CNKSR2: variants seen among roughly 807,000 people sequenced by gnomAD.
CNKSR2 encodes the protein connector enhancer of kinase suppressor of Ras 2.
Under a neutral mutation model 84.4 loss-of-function variants are expected in CNKSR2, and 14 were observed. The ratio of observed to expected loss-of-function variants is 0.17; its 90% confidence interval spans 0.11 to 0.26. The LOEUF is 0.26. Among genes scored for constraint, CNKSR2 ranks in the 10% least tolerant of loss-of-function variants. The probability of loss-of-function intolerance (pLI) is 1.00; values close to 1 mark genes in which losing one functional copy is unlikely to be tolerated. For missense variants in CNKSR2, 485 were observed against 771.2 expected, an observed-to-expected ratio of 0.63 and a Z score of 4.40; for synonymous variants, 275 against 277.9, an observed-to-expected ratio of 0.99 and a Z score of 0.10.
intron 20 of CNKSR2, chrX:21,641,773 TG>T: frequency 9.8e-7 from 1 of 1,024,440 alleles, no homozygotes; most frequent in Non-Finnish European, 1.2e-6. Context: ...TGTTTTGGAT[TG>T]GGGGCCTCCC....
chrX:21,516,733 C>A, intron 9 of CNKSR2, 102 bp downstream of exon 9: 2 of 733,089 alleles, frequency 2.7e-6, no homozygotes, highest in Non-Finnish European at 3.9e-6. Flanking sequence ...ATGGATTAAT[C>A]TTGTATGCTT....
chrX:21,592,818 A>G (rs1433000336), intron 15 of CNKSR2: 9 of 110,397 alleles, frequency 8.2e-5, no homozygotes, highest in Non-Finnish European at 3.8e-5. Context: ...TTCATTTAAT[A>G]GATATATATT....
intron 13 of CNKSR2, among the ~76,000 whole-genome samples, chrX:21,583,271 G>A (rs1308211532): frequency 9.0e-5 from 10 of 111,392 alleles, no homozygotes; most frequent in Non-Finnish European, 1.3e-4. Flanking sequence ...ACCAGAATGA[G>A]CAAGGCCACC....
At chrX:21,442,242 T>A (rs987585099) in intron 4 of CNKSR2, among the ~76,000 whole-genome samples, 4 of 109,466 alleles carry the variant, frequency 3.7e-5, no homozygotes, top group African/African-American at 1.3e-4. Flanking sequence ...TAAGATTGGT[T>A]ATAATGACAC....
chrX:21,402,579 C>T (rs1308870501), intron 1 of CNKSR2, among the ~76,000 whole-genome samples: 1 of 110,570 alleles, frequency 9.0e-6, no homozygotes, highest in African/African-American at 3.3e-5. Context: ...ATTTAATTAG[C>T]TCCTATTTAT....
At chrX:21,448,675 A>G (rs1343338710) in intron 4 of CNKSR2, among the ~76,000 whole-genome samples, 1 of 111,597 alleles carries the variant, frequency 9.0e-6, no homozygotes, top group Non-Finnish European at 1.9e-5. Flanking sequence ...TCCTCTCTGA[A>G]TTACCATTTT....
chrX:21,532,857 C>A (rs1053632513), intron 11 of CNKSR2, among the ~76,000 whole-genome samples: 1 of 111,418 alleles, frequency 9.0e-6, no homozygotes, highest in Non-Finnish European at 1.9e-5. Flanking sequence ...GGAAGGACAG[C>A]ATCCCTGCTA....
At chrX:21,490,673 C>T in intron 6 of CNKSR2, 95 bp downstream of exon 6, 1 of 910,199 alleles carries the variant, frequency 1.1e-6, no homozygotes, top group East Asian at 3.5e-5. Flanking sequence ...CTATGAATTT[C>T]AACAGACACT....
At chrX:21,446,675 C>T (rs1228107836) in intron 4 of CNKSR2, among the ~76,000 whole-genome samples, 1 of 111,217 alleles carries the variant, frequency 9.0e-6, no homozygotes, top group Non-Finnish European at 1.9e-5. Flanking sequence ...AACTATATTG[C>T]ATGTTATCAG....
At chrX:21,620,820 G>GA (rs199864277) in intron 20 of CNKSR2, among the ~76,000 whole-genome samples, 1,740 of 110,296 alleles carry the variant, frequency 0.016, 40 homozygotes, top group African/African-American at 0.054. Flanking sequence ...GATTGATATG[G>GA]AAAAAAAATC....
At chrX:21,651,234 A>T (rs1195511372) in intron 21 of CNKSR2, among the ~76,000 whole-genome samples, 1 of 112,273 alleles carries the variant, frequency 8.9e-6, no homozygotes, top group Non-Finnish European at 1.9e-5. Context: ...ACGAAAAGTC[A>T]CTGTAAAAAA....
chrX:21,434,854 C>T (rs949019475), intron 3 of CNKSR2, among the ~76,000 whole-genome samples: 1 of 108,490 alleles, frequency 9.2e-6, no homozygotes. Flanking sequence ...ATGCTTTATA[C>T]ATAAGTATAT....
rs1166580552 is a variant in CNKSR2 at position 21,653,827 on chromosome X, G to T, written c.*1306G>T. The T allele has an allele frequency of 1.8e-5, 2 of 111,107 alleles. No individual in the cohort carries two copies. The highest frequency in any genetic ancestry group is 3.8e-5 in the Non-Finnish European group (2 of 53,013). The allele number at this position is 111,107 out of a possible 1,213,427, so 9.2% of individuals were successfully genotyped here. On this transcript the variant is annotated 3_prime_UTR_variant, in exon 22 of 22. Coordinates refer to ENST00000379510, the MANE Select transcript of CNKSR2 (RefSeq NM_014927.5). ...CATAATGTACAAGTCACAATTTGCT[G>T]TTTTTTTCAGGAGGAGAAAGGGAAC...
At chrX:21,575,539 C>G (rs1211772993) in intron 13 of CNKSR2, among the ~76,000 whole-genome samples, 1 of 111,146 alleles carries the variant, frequency 9.0e-6, no homozygotes, top group African/African-American at 3.3e-5. Context: ...TACTCACAAC[C>G]AAAAATTACC....
At chrX:21,437,068 A>C (rs1384551977) in intron 3 of CNKSR2, among the ~76,000 whole-genome samples, 1 of 111,766 alleles carries the variant, frequency 8.9e-6, no homozygotes, top group Non-Finnish European at 1.9e-5. Context: ...TTTAATCTTG[A>C]GTGAAAAGCT....
chrX:21,624,571 G>A (rs1032469740), intron 20 of CNKSR2, among the ~76,000 whole-genome samples: 34 of 110,418 alleles, frequency 3.1e-4, no homozygotes, highest in African/African-American at 1.0e-3. Context: ...GTGCGGTGGC[G>A]CGATCACAGC....
chrX:21,559,305 G>T (rs1399797706), intron 11 of CNKSR2, among the ~76,000 whole-genome samples: 1 of 110,223 alleles, frequency 9.1e-6, no homozygotes. Context: ...TTCAGGGTGA[G>T]CTGCTCCTAA....
intron 2 of CNKSR2, among the ~76,000 whole-genome samples, chrX:21,430,811 C>A (rs1004870785): frequency 9.0e-6 from 1 of 111,329 alleles, no homozygotes; most frequent in African/African-American, 3.3e-5. Flanking sequence ...CTGTAGTGAC[C>A]GGCTGGACAA....
intron 1 of CNKSR2, among the ~76,000 whole-genome samples, chrX:21,403,902 G>A (rs1429303505): frequency 2.7e-5 from 3 of 111,680 alleles, no homozygotes; most frequent in Non-Finnish European, 5.7e-5. Flanking sequence ...ATGCTACTTG[G>A]CAGAACAAAG....
Sources: gnomAD v4.1 joint callset for allele counts (sites outside exome capture counted in the v4.1 genomes callset) on GRCh38, gnomAD v4.1.1 for gene constraint, MANE v1.5 for transcripts, NCBI Gene and HGNC (gene_info 2026-07-23, HGNC 2026-07-21) for gene names.